ERICH6B: variants seen among roughly 807,000 people sequenced by gnomAD.
The protein encoded by ERICH6B is glutamate rich 6B.
Under a neutral mutation model 80.0 loss-of-function variants are expected in ERICH6B, and 69 were observed. That is an observed-to-expected ratio of 0.86 (90% CI 0.71 to 1.05). The LOEUF (loss-of-function observed/expected upper bound fraction) is 1.05. Among genes scored for constraint, ERICH6B ranks in the 50% least tolerant of loss-of-function variants. ERICH6B has a pLI of 0.00. For missense variants in ERICH6B, 754 were observed against 796.1 expected (o/e 0.95, Z 0.64); for synonymous variants, 283 against 291.9 (o/e 0.97, Z 0.31).
At chr13:45,558,790 T>C (rs1169260573) in intron 11 of ERICH6B, among the ~76,000 whole-genome samples, 1 of 152,182 alleles carries the variant, frequency 6.6e-6, no homozygotes, top group African/African-American at 2.4e-5. Context: ...ACCCACTTGA[T>C]TGTGGTGGAT....
chr13:45,553,949 A>G (rs529213064), intron 11 of ERICH6B, among the ~76,000 whole-genome samples: 1 of 152,310 alleles, frequency 6.6e-6, no homozygotes, highest in African/African-American at 2.4e-5. Context: ...ATTACCTCAC[A>G]TATGTTTTGT....
At chr13:45,557,372 C>T (rs1451777409) in intron 11 of ERICH6B, among the ~76,000 whole-genome samples, 2 of 152,152 alleles carry the variant, frequency 1.3e-5, no homozygotes, top group African/African-American at 4.8e-5. Context: ...TTCTCCTACT[C>T]TGTGGGTTGT....
At chr13:45,561,646 T>C (rs1217567320) in intron 10 of ERICH6B, 120 bp from the exon 11 acceptor site, 1 of 1,111,738 alleles carries the variant, frequency 9.0e-7, no homozygotes, top group Non-Finnish European at 1.3e-6. Context: ...TCTGCCATTT[T>C]TCCCCAGTGA....
At chr13:45,545,491 AC>A (rs1218290044) in intron 13 of ERICH6B, among the ~76,000 whole-genome samples, 1 of 152,244 alleles carries the variant, frequency 6.6e-6, no homozygotes, top group African/African-American at 2.4e-5. Flanking sequence ...TACCAAAACA[AC>A]CCATAGCTCC....
intron 7 of ERICH6B, among the ~76,000 whole-genome samples, chr13:45,579,727 T>A (rs1368552138): frequency 6.6e-6 from 1 of 152,122 alleles, no homozygotes; most frequent in Non-Finnish European, 1.5e-5. Flanking sequence ...TACAGTCCTG[T>A]TCCTTCAGAG....
At chr13:45,545,470 G>A (rs1050057012) in intron 13 of ERICH6B, among the ~76,000 whole-genome samples, 1 of 152,208 alleles carries the variant, frequency 6.6e-6, no homozygotes, top group African/African-American at 2.4e-5. Flanking sequence ...GAAAGCCAGT[G>A]ATTTAGTGAA....
chr13:45,570,946 C>T (rs979821588), intron 8 of ERICH6B, among the ~76,000 whole-genome samples: 4 of 152,108 alleles, frequency 2.6e-5, no homozygotes, highest in Non-Finnish European at 5.9e-5. Flanking sequence ...CTGCAGGTTC[C>T]ATGTGGCATT....
At chr13:45,562,933 G>C (rs1874750438) in intron 10 of ERICH6B, among the ~76,000 whole-genome samples, 1 of 152,170 alleles carries the variant, frequency 6.6e-6, no homozygotes. Context: ...GGCTCAGCGA[G>C]AAAAAGTACC....
At position 45,596,833 on chromosome 13, in the gene ERICH6B, T is replaced by C. The variant is rs1876413466; in HGVS notation, c.173A>G (p.Asp58Gly). ...CTCTTCCTCCTCCAGATACTCTTTG[T>C]CCTCCAGAGACTCTCCCTCTGGAGA... The part of the protein sequence containing the change: ...PFSPEGESLE[D>G]KEYLEEEEDL... Residue 58 changes from aspartate (D) to glycine (G), a missense_variant, in exon 3 of 15, where the codon GAC becomes GGC. Transcript: ENST00000298738. The C allele has an allele frequency of 6.4e-7, 1 of 1,551,850 alleles. No individual in the cohort carries two copies. Among genetic ancestry groups the C allele is most frequent in the East Asian group, 2.4e-5 (1 of 40,928 alleles).
At chr13:45,569,980 T>C (rs993320430) in intron 8 of ERICH6B, among the ~76,000 whole-genome samples, 5 of 152,212 alleles carry the variant, frequency 3.3e-5, no homozygotes, top group Admixed American at 3.3e-4. Flanking sequence ...CCCATTCTGT[T>C]TGCATTTTAT....
intron 14 of ERICH6B, among the ~76,000 whole-genome samples, chr13:45,544,130 T>C (rs927070745): frequency 2.2e-4 from 34 of 152,332 alleles, no homozygotes; most frequent in African/African-American, 8.2e-4. Flanking sequence ...GAGAGTGCAG[T>C]GGTGTGATCT....
At chr13:45,576,445 AC>A (rs1163316740) in intron 7 of ERICH6B, among the ~76,000 whole-genome samples, 84 of 152,336 alleles carry the variant, frequency 5.5e-4, no homozygotes, top group African/African-American at 2.0e-3. Flanking sequence ...CATGGAAATG[AC>A]CAGGGACATT....
At chr13:45,576,712 T>A (rs780038114) in intron 7 of ERICH6B, among the ~76,000 whole-genome samples, 61 of 151,270 alleles carry the variant, frequency 4.0e-4, no homozygotes, top group Non-Finnish European at 8.7e-4. Context: ...CATATTTTAG[T>A]AGTTTTTTTT....
chr13:45,552,995 G>A (rs1021270318), intron 11 of ERICH6B: 3 of 195,948 alleles, frequency 1.5e-5, no homozygotes, highest in Admixed American at 6.0e-5. Flanking sequence ...TGTTCTGAGC[G>A]GATGGTCTCT....
chr13:45,564,907 C>T (rs981254927), intron 9 of ERICH6B, among the ~76,000 whole-genome samples: 1 of 152,168 alleles, frequency 6.6e-6, no homozygotes, highest in African/African-American at 2.4e-5. Context: ...TTGTTTTTTG[C>T]CCACCTTTGC....
chr13:45,568,001 C>G (rs922292559), intron 9 of ERICH6B, among the ~76,000 whole-genome samples: 2 of 152,178 alleles, frequency 1.3e-5, no homozygotes, highest in Non-Finnish European at 2.9e-5. Context: ...AGTTCATGGT[C>G]CCTGCAAGCC....
chr13:45,614,915 C>G (rs1015255904), intron 1 of ERICH6B, among the ~76,000 whole-genome samples: 6 of 152,224 alleles, frequency 3.9e-5, no homozygotes, highest in Non-Finnish European at 1.5e-5. Flanking sequence ...TTAAAACATG[C>G]CAGGGGGCAA....
At chr13:45,557,279 AT>A (rs542741619) in intron 11 of ERICH6B, among the ~76,000 whole-genome samples, 9 of 150,156 alleles carry the variant, frequency 6.0e-5, no homozygotes, top group African/African-American at 1.7e-4. Flanking sequence ...TTTTGATGGG[AT>A]TTTTTTTTCT....
chr13:45,572,181 C>T (rs3889770), intron 8 of ERICH6B, among the ~76,000 whole-genome samples: 13,453 of 152,174 alleles, frequency 0.088, 991 homozygotes, highest in African/African-American at 0.2. Flanking sequence ...TCTACCTCAC[C>T]CTACAAATGT....
Sources: allele counts gnomAD v4.1 joint callset (sites outside exome capture counted in the v4.1 genomes callset), GRCh38; gene constraint gnomAD v4.1.1; transcripts MANE v1.5; gene names NCBI Gene and HGNC (gene_info 2026-07-23, HGNC 2026-07-21).